SS18: variants seen among roughly 807,000 people sequenced by gnomAD.
SS18 encodes protein SSXT.
A neutral mutation model predicts 72.5 loss-of-function variants in SS18; 28 were observed. The ratio of observed to expected loss-of-function variants is 0.39; its 90% CI spans 0.29 to 0.53. SS18 has a LOEUF of 0.53. Among genes scored for constraint, SS18 ranks in the 20% least tolerant of loss-of-function variants. SS18 has a pLI of 0.76. For synonymous variants in SS18, 172 were observed against 164.2 expected, an observed-to-expected ratio of 1.05 and a Z score of -0.37; for missense variants, 518 against 535.3, an observed-to-expected ratio of 0.97 and a Z score of 0.32.
At chr18:26,070,485 A>C (rs1369003027) in intron 3 of SS18, among the ~76,000 whole-genome samples, 1 of 152,224 alleles carries the variant, frequency 6.6e-6, no homozygotes, top group Non-Finnish European at 1.5e-5. Flanking sequence ...AATATGTGTA[A>C]GGTGAAGAGT....
At position 26,035,330 on chromosome 18, in the gene SS18, T is replaced by C. The variant is rs2053609484; in HGVS notation, c.974-203A>G. 2 of 531,736 alleles carry C rather than the reference T, an allele frequency of 3.8e-6. No individual in the cohort carries two copies. Among genetic ancestry groups the C allele is most frequent in the Non-Finnish European group, 6.6e-6 (2 of 304,362 alleles). The allele number at this position is 531,736 out of a possible 1,614,324, so 32.9% of individuals were successfully genotyped here. On this transcript the variant is annotated intron_variant, in intron 8 of 10. Transcript: ENST00000415083. This position sits in a 1 kb window ranked among gnomAD's most constrained non-coding sequence, Gnocchi z 4.4. ...TGCAGTTAAAGCCAATTTTGCAAGG[T>C]TGAACTGCAGCATTTTCAGCGTCTC...
At chr18:26,024,740 G>A (rs1041709374) in intron 10 of SS18, among the ~76,000 whole-genome samples, 2 of 151,978 alleles carry the variant, frequency 1.3e-5, no homozygotes, top group Non-Finnish European at 2.9e-5. Flanking sequence ...TCAAAGGAAG[G>A]CAGAAAAAGA....
intron 3 of SS18, among the ~76,000 whole-genome samples, chr18:26,071,601 C>A (rs2144105444): frequency 6.6e-6 from 1 of 152,260 alleles, no homozygotes; most frequent in Admixed American, 6.5e-5. Context: ...GAGGCCAAGG[C>A]AGGAGAATCA....
intron 10 of SS18, among the ~76,000 whole-genome samples, chr18:26,029,295 C>T (rs995275570): frequency 2.6e-5 from 4 of 152,132 alleles, no homozygotes; most frequent in Non-Finnish European, 5.9e-5. Context: ...TATCATATGG[C>T]TTTTACTTAA....
intron 1 of SS18, among the ~76,000 whole-genome samples, chr18:26,088,437 CAT>C (rs925207410): frequency 6.6e-6 from 1 of 152,092 alleles, no homozygotes; most frequent in African/African-American, 2.4e-5. Context: ...AATAATTAAA[CAT>C]AATAATTTCT....
intron 10 of SS18, among the ~76,000 whole-genome samples, chr18:26,026,148 C>T (rs1361623320): frequency 3.9e-5 from 6 of 152,178 alleles, no homozygotes; most frequent in African/African-American, 9.6e-5. Flanking sequence ...GGACTACAGG[C>T]ATATGCCACC....
At chr18:26,025,791 G>A (rs889025756) in intron 10 of SS18, among the ~76,000 whole-genome samples, 12 of 151,814 alleles carry the variant, frequency 7.9e-5, no homozygotes, top group Non-Finnish European at 1.8e-4. Context: ...TCTGAAGGGA[G>A]GAAATTCTTC....
intron 4 of SS18, among the ~76,000 whole-genome samples, chr18:26,055,482 A>G (rs570347548): frequency 6.6e-6 from 1 of 152,210 alleles, no homozygotes; most frequent in African/African-American, 2.4e-5. Flanking sequence ...AGAAAAAAAT[A>G]GTAATTTTTA....
intron 5 of SS18, among the ~76,000 whole-genome samples, chr18:26,049,150 C>A (rs1353989877): frequency 6.6e-6 from 1 of 152,148 alleles, no homozygotes; most frequent in Non-Finnish European, 1.5e-5. Context: ...TAGTAAAATT[C>A]TGTTAAATGT....
intron 10 of SS18, among the ~76,000 whole-genome samples, chr18:26,028,825 G>A (rs1023661056): frequency 1.3e-5 from 2 of 152,138 alleles, no homozygotes; most frequent in African/African-American, 4.8e-5. Context: ...CCATTACTTC[G>A]ATTCTGCTGA....
intron 5 of SS18, among the ~76,000 whole-genome samples, chr18:26,040,090 T>C (rs1449837514): frequency 2.6e-5 from 4 of 152,212 alleles, no homozygotes; most frequent in African/African-American, 9.7e-5. Flanking sequence ...ATGGCTATAC[T>C]GCTTAATATG....
In SS18 at chr18:26,016,963, G is replaced by C. The variant is rs1308552417; in HGVS notation, c.*1391C>G. 8.9e-6 allele frequency: 2 copies of C among 225,666 alleles called. No individual in the cohort carries two copies. Among genetic ancestry groups the C allele is most frequent in the African/African-American group, 4.5e-5 (2 of 44,884 alleles). 14.0% of individuals were successfully genotyped at this position (225,666 alleles called of 1,614,324 possible). A position where few individuals can be genotyped will look rare whatever the true frequency, so the allele number is the denominator to read the frequency against. ...TTATAAAGAATACATCTTATTCCCT[G>C]GGCATAGGCAACTGTGATGAAAATA... is the stretch of plus-strand genomic sequence containing the variant. On this transcript the variant is annotated 3_prime_UTR_variant, in exon 11 of 11. Coordinates refer to ENST00000415083, the MANE Select transcript of SS18 (RefSeq NM_001007559.3).
upstream of SS18, chr18:26,090,882 C>G: frequency 7.6e-6 from 3 of 395,454 alleles, no homozygotes; most frequent in Non-Finnish European, 1.4e-5. Flanking sequence ...GTCCTCCCTC[C>G]GCTTCAGCGA....
chr18:26,082,212 T>C (rs537295459), intron 2 of SS18, among the ~76,000 whole-genome samples: 1 of 152,306 alleles, frequency 6.6e-6, no homozygotes, highest in South Asian at 2.1e-4. Context: ...CTCATGATTA[T>C]TAACCTATTA....
chr18:26,018,553 GA>G, intron 10 of SS18, among the ~76,000 whole-genome samples, 173 bp from the exon 11 acceptor site: 1 of 152,086 alleles, frequency 6.6e-6, no homozygotes, highest in Non-Finnish European at 1.5e-5. Flanking sequence ...AATTTCTTCT[GA>G]TATTATATTC....
intron 1 of SS18, 55 bp downstream of exon 1, chr18:26,090,446 C>A: frequency 6.6e-7 from 1 of 1,526,478 alleles, no homozygotes; most frequent in Non-Finnish European, 8.9e-7. Flanking sequence ...CCCCCCGCGT[C>A]TGTCTCTCCC....
At chr18:26,066,991 T>C (rs1598592669) in intron 3 of SS18, among the ~76,000 whole-genome samples, 1 of 152,228 alleles carries the variant, frequency 6.6e-6, no homozygotes, top group East Asian at 1.9e-4. Flanking sequence ...CTTTCAATTA[T>C]AGAATTTTTT....
chr18:26,074,301 CAACT>C (rs1332118360), intron 3 of SS18, among the ~76,000 whole-genome samples: 2 of 148,366 alleles, frequency 1.3e-5, no homozygotes, highest in Non-Finnish European at 3.0e-5. Flanking sequence ...TTCCACACCA[CAACT>C]AACCTTAAAA....
intron 3 of SS18, among the ~76,000 whole-genome samples, chr18:26,071,502 C>T (rs1393059022): frequency 2.0e-5 from 3 of 152,154 alleles, no homozygotes; most frequent in South Asian, 2.1e-4. Flanking sequence ...TAAACAACAA[C>T]TAACCTAGTA....
Sources: gnomAD v4.1 joint callset for allele counts (sites outside exome capture counted in the v4.1 genomes callset) on GRCh38, gnomAD v4.1.1 for gene constraint, Gnocchi (gnomAD v3.1) non-coding constraint, MANE v1.5 for transcripts, NCBI Gene and HGNC (gene_info 2026-07-23, HGNC 2026-07-21) for gene names.